Variants in DNAL1 observed in about 807,000 individuals in gnomAD.
DNAL1 encodes the protein dynein axonemal light chain 1.
DNAL1 carries 17 observed loss-of-function variants against 29.4 expected under a neutral mutation model. The ratio of observed to expected loss-of-function variants is 0.58; its 90% CI spans 0.40 to 0.87. The LOEUF (loss-of-function observed/expected upper bound fraction) is 0.87. Among genes scored for constraint, DNAL1 ranks in the 40% least tolerant of loss-of-function variants. DNAL1 has a pLI of 0.00. For missense variants in DNAL1, 188 were observed against 214.1 expected (o/e 0.88, Z 0.76); for synonymous variants, 78 against 76.3 (o/e 1.02, Z -0.12).
intron 5 of DNAL1, among the ~76,000 whole-genome samples, chr14:73,684,338 T>C (rs1387586348): frequency 6.6e-6 from 1 of 152,212 alleles, no homozygotes; most frequent in African/African-American, 2.4e-5. Flanking sequence ...CTGAATCATA[T>C]GGTAGTTCTA....
At chr14:73,678,566 G>A (rs1231981053) in intron 5 of DNAL1, among the ~76,000 whole-genome samples, 2 of 146,212 alleles carry the variant, frequency 1.4e-5, no homozygotes, top group South Asian at 4.3e-4. Flanking sequence ...TGTGCCTGGA[G>A]TAGCAGTTGT....
At chr14:73,654,723 C>A in intron 1 of DNAL1, 124 bp from the exon 2 acceptor site, 1 of 824,944 alleles carries the variant, frequency 1.2e-6, no homozygotes, top group Non-Finnish European at 1.7e-6. Context: ...CATGCCATTG[C>A]ACTCCAGCCT....
At chr14:73,677,561 TATTTA>T (rs1891766109) in intron 5 of DNAL1, among the ~76,000 whole-genome samples, 1 of 148,226 alleles carries the variant, frequency 6.7e-6, no homozygotes, top group South Asian at 2.1e-4. Flanking sequence ...TTTATTTATT[TATTTA>T]TTTTTTTTGA....
intron 1 of DNAL1, among the ~76,000 whole-genome samples, chr14:73,649,286 ATT>A (rs1263000480): frequency 1.7e-5 from 2 of 116,326 alleles, no homozygotes. Flanking sequence ...TGTGTTTGAC[ATT>A]TTTTTTTTTT....
intron 2 of DNAL1, among the ~76,000 whole-genome samples, chr14:73,658,308 TTATAA>T (rs1486606816): frequency 1.3e-5 from 2 of 152,252 alleles, no homozygotes; most frequent in African/African-American, 2.4e-5. Context: ...TGTGTTCGCC[TTATAA>T]TATATCTTGA....
chr14:73,681,655 T>TATATATATATATATATATATATATATA (rs1555402648), intron 5 of DNAL1, among the ~76,000 whole-genome samples: 1 of 127,286 alleles, frequency 7.9e-6, no homozygotes, highest in African/African-American at 3.3e-5. Context: ...TATATATATA[T>TATATATATATATATATATATATATATA]TAGTTGGGTG....
At chr14:73,693,589 C>T (rs6574137) in intron 7 of DNAL1, among the ~76,000 whole-genome samples, 44,871 of 151,862 alleles carry the variant, frequency 0.3, 6,910 homozygotes, top group Middle Eastern at 0.42. Flanking sequence ...CTATATCATT[C>T]CTGTGGTCCT....
rs1240265436 is a variant in DNAL1 at position 73,701,963 on chromosome 14, A to AT, written c.*6026dup. ...ATTTTGTAAAAAAAAAAAAAAGTAT[A>AT]TTTTTGGTACATGATTATTAGTTTT... On this transcript the variant is annotated 3_prime_UTR_variant, in exon 8 of 8. Transcript: ENST00000553645. 6.0e-5 allele frequency: 9 copies of AT among 151,126 alleles called. No homozygotes were observed. The highest frequency in any genetic ancestry group is 2.0e-4 in the African/African-American group (8 of 41,012). 9.4% of individuals were successfully genotyped at this position (151,126 alleles called of 1,614,324 possible).
rs1186782767 is a variant in DNAL1 at position 73,699,017 on chromosome 14, T to C, written c.*3075T>C. 1 of 152,202 alleles carries C rather than the reference T, an allele frequency of 6.6e-6. No individual in the cohort carries two copies. The highest frequency in any genetic ancestry group is 2.1e-4 in the South Asian group (1 of 4,838). 9.4% of individuals were successfully genotyped at this position (152,202 alleles called of 1,614,324 possible). Reference sequence around the variant, plus strand: ...CATTGTTGTTGGGGGCTGTCCTGTGTGCTTAGGATGTTCAGCTGCAGCCCT... The same window carrying C: ...CATTGTTGTTGGGGGCTGTCCTGTGCGCTTAGGATGTTCAGCTGCAGCCCT... On this transcript the variant is annotated 3_prime_UTR_variant, in exon 8 of 8. Coordinates refer to ENST00000553645, the MANE Select transcript of DNAL1 (RefSeq NM_031427.4).
intron 5 of DNAL1, among the ~76,000 whole-genome samples, chr14:73,679,501 A>C (rs79698205): frequency 0.012 from 1,791 of 152,316 alleles, 36 homozygotes; most frequent in African/African-American, 0.041. Context: ...ACAAAAAAGA[A>C]GCTAATGAAG....
chr14:73,670,739 A>G (rs1189754189), intron 4 of DNAL1, among the ~76,000 whole-genome samples: 3 of 150,878 alleles, frequency 2.0e-5, no homozygotes, highest in Non-Finnish European at 4.4e-5. Context: ...ATTTATTTTT[A>G]TTATTATTTT....
intron 4 of DNAL1, among the ~76,000 whole-genome samples, chr14:73,662,968 G>T (rs1891391029): frequency 6.6e-6 from 1 of 151,742 alleles, no homozygotes; most frequent in Non-Finnish European, 1.5e-5. Flanking sequence ...CTCTTTGAAG[G>T]AGCTCTCAAA....
At chr14:73,677,650 G>A (rs987401666) in intron 5 of DNAL1, among the ~76,000 whole-genome samples, 10 of 149,962 alleles carry the variant, frequency 6.7e-5, no homozygotes, top group African/African-American at 1.2e-4. Context: ...TCCGCCTCCC[G>A]GGTTCCCGCC....
chr14:73,654,726 T>C (rs1891172068), intron 1 of DNAL1, 121 bp from the exon 2 acceptor site: 2 of 912,172 alleles, frequency 2.2e-6, no homozygotes, highest in South Asian at 2.1e-5. Flanking sequence ...GCCATTGCAC[T>C]CCAGCCTGGG....
Position 73,695,926 on chromosome 14 carries a change from A to G in DNAL1, c.557A>G (p.Glu186Gly). The change falls in exon 8 of 8, where the codon GAG becomes GGG. Residue 186 changes from glutamate to glycine, a missense_variant. Transcript: ENST00000553645. ...LDGTPVIKGD[E>G]EEDN ...GGTACTCCAGTAATTAAAGGGGATGAGGAAGAAGACAACTAATGCCACGCT... is the reference window on the plus strand; with the variant it reads ...GGTACTCCAGTAATTAAAGGGGATGGGGAAGAAGACAACTAATGCCACGCT... 2.5e-6 allele frequency: 4 copies of G among 1,589,996 alleles called. No individual in the cohort carries two copies. The highest frequency in any genetic ancestry group is 3.4e-6 in the Non-Finnish European group (4 of 1,166,760).
intron 2 of DNAL1, among the ~76,000 whole-genome samples, chr14:73,658,465 A>G (rs1483596628): frequency 4.6e-5 from 7 of 152,214 alleles, no homozygotes; most frequent in Non-Finnish European, 1.0e-4. Context: ...GATAGGAATT[A>G]CATTGAATCT....
intron 5 of DNAL1, among the ~76,000 whole-genome samples, chr14:73,676,698 C>CTT (rs2140047359): frequency 6.7e-6 from 1 of 149,998 alleles, no homozygotes; most frequent in East Asian, 2.1e-4. Flanking sequence ...TGGGTTTTCT[C>CTT]TCTCTCTCTC....
chr14:73,695,416 A>G (rs1330182504), intron 7 of DNAL1, among the ~76,000 whole-genome samples: 1 of 152,028 alleles, frequency 6.6e-6, no homozygotes, highest in African/African-American at 2.4e-5. Flanking sequence ...AAGTATGTAT[A>G]CTAAACCATT....
At chr14:73,671,467 C>A in intron 4 of DNAL1, 75 bp from the exon 5 acceptor site, 1 of 1,301,572 alleles carries the variant, frequency 7.7e-7, no homozygotes, top group Non-Finnish European at 1.0e-6. Context: ...CTTATTAAAG[C>A]TTTATTATTC....
Sources: gnomAD v4.1 joint callset for allele counts (sites outside exome capture counted in the v4.1 genomes callset) on GRCh38, gnomAD v4.1.1 for gene constraint, MANE v1.5 for transcripts, NCBI Gene and HGNC (gene_info 2026-07-23, HGNC 2026-07-21) for gene names.